URI1: variants seen among roughly 807,000 people sequenced by gnomAD.
URI1 encodes the protein URI1 prefoldin like chaperone, also known as unconventional prefoldin RPB5 interactor 1.
Under a neutral mutation model 60.2 loss-of-function variants are expected in URI1, and 39 were observed. The ratio of observed to expected loss-of-function variants is 0.65; its 90% confidence interval spans 0.50 to 0.85. URI1 has a LOEUF of 0.85. URI1 is among the 40% of genes least tolerant of loss of function. URI1 has a pLI of 0.00. For missense variants in URI1, 691 were observed against 665.9 expected (o/e 1.04, Z -0.42); for synonymous variants, 251 against 236.8 (o/e 1.06, Z -0.55).
intron 1 of URI1, among the ~76,000 whole-genome samples, chr19:29,963,574 G>C (rs1348661521): frequency 2.0e-5 from 3 of 151,952 alleles, no homozygotes; most frequent in East Asian, 1.9e-4. Flanking sequence ...TGTGTGTTTG[G>C]TTCTGTTTTA....
At chr19:30,004,973 A>G (rs1039359499) in intron 4 of URI1, among the ~76,000 whole-genome samples, 3 of 152,014 alleles carry the variant, frequency 2.0e-5, no homozygotes, top group Non-Finnish European at 4.4e-5. Flanking sequence ...GTCTTAATCT[A>G]TGTTATCTAT....
In URI1 at chr19:29,963,248, A is replaced by C. The variant is rs2055348718; in HGVS notation, c.118-7945A>C. 2.6e-5 allele frequency among the ~76,000 whole-genome samples: 4 copies of C among 152,248 alleles called. No individual in the cohort carries two copies. The South Asian group carries it at 8.3e-4, about 32-fold the overall frequency. ...TCTTCCCTTTCTGGATCTTGCACTT[A>C]CACTGTGTTTCACATGTCTCTTATT... On this transcript the variant is annotated intron_variant, in intron 1 of 10. Coordinates refer to ENST00000392271, the MANE Select transcript of URI1 (RefSeq NM_003796.3).
At chr19:29,988,628 AG>A (rs2055703806) in intron 4 of URI1, among the ~76,000 whole-genome samples, 1 of 152,080 alleles carries the variant, frequency 6.6e-6, no homozygotes, top group East Asian at 1.9e-4. Context: ...ATTGCTGAGG[AG>A]TGTTCCGTTA....
At chr19:30,009,507 A>G (rs1599726787) in intron 8 of URI1, among the ~76,000 whole-genome samples, 154 bp downstream of exon 8, 2 of 152,172 alleles carry the variant, frequency 1.3e-5, no homozygotes, top group East Asian at 3.9e-4. Context: ...CAATTTAAGA[A>G]GAAAAAGGGA....
At position 30,015,446 on chromosome 19, in the gene URI1, G is replaced by T; in HGVS notation, c.*377G>T. 6.6e-7 allele frequency: 1 copy of T among 1,509,254 alleles called. No individual in the cohort carries two copies. Among genetic ancestry groups the T allele is most frequent in the Non-Finnish European group, 8.8e-7 (1 of 1,137,688 alleles). The allele number at this position is 1,509,254 out of a possible 1,614,324, so 93.5% of individuals were successfully genotyped here. On this transcript the variant is annotated 3_prime_UTR_variant, in exon 11 of 11. Coordinates refer to ENST00000392271, the MANE Select transcript of URI1 (RefSeq NM_003796.3). ...TGCATACCATATGGACCATTTTAAA[G>T]AAAATTTTAAAATTTCAAATAGATT...
intron 1 of URI1, among the ~76,000 whole-genome samples, chr19:29,962,810 G>A (rs932426499): frequency 2.0e-5 from 3 of 151,992 alleles, no homozygotes; most frequent in African/African-American, 7.3e-5. Flanking sequence ...AAGTCTGCTG[G>A]TGCAGAATTC....
intron 1 of URI1, chr19:29,925,940 A>G (rs2054861617): frequency 6.6e-6 from 1 of 152,204 alleles, no homozygotes; most frequent in Non-Finnish European, 1.5e-5. Context: ...TTAAAAACAG[A>G]TGGCACTAGT....
chr19:29,966,129 T>C (rs1425491461), intron 1 of URI1, among the ~76,000 whole-genome samples: 1 of 152,226 alleles, frequency 6.6e-6, no homozygotes, highest in African/African-American at 2.4e-5. Flanking sequence ...TTTACTTTTA[T>C]GGTGGTTGAT....
At chr19:29,985,328 T>C in intron 3 of URI1, 27 bp downstream of exon 3, 1 of 1,571,372 alleles carries the variant, frequency 6.4e-7, no homozygotes, top group Non-Finnish European at 8.7e-7. Context: ...TCTTTTAAAG[T>C]AATAGTTGTT....
intron 4 of URI1, among the ~76,000 whole-genome samples, chr19:29,993,388 G>C (rs540713486): frequency 6.6e-6 from 1 of 152,254 alleles, no homozygotes; most frequent in South Asian, 2.1e-4. Flanking sequence ...ATGCACATAG[G>C]CACGTTACTT....
intron 4 of URI1, chr19:30,004,439 A>C (rs896402664): frequency 6.6e-6 from 1 of 152,052 alleles, no homozygotes; most frequent in African/African-American, 2.4e-5. Context: ...CCAGACCTGC[A>C]TTCATCATTG....
chr19:29,964,452 G>GTTTTTT (rs1380907956), intron 1 of URI1, among the ~76,000 whole-genome samples: 41 of 137,298 alleles, frequency 3.0e-4, no homozygotes, highest in African/African-American at 1.1e-3. Flanking sequence ...TTTTGTTTTT[G>GTTTTTT]TTTTTTGTTT....
At chr19:29,967,683 T>A (rs920672308) in intron 1 of URI1, among the ~76,000 whole-genome samples, 3 of 152,204 alleles carry the variant, frequency 2.0e-5, no homozygotes, top group African/African-American at 7.2e-5. Context: ...AACCAGTGTT[T>A]TTCTGCTGTT....
At chr19:29,958,218 GTTGT>G (rs1568416547) in intron 1 of URI1, 1 of 151,828 alleles carries the variant, frequency 6.6e-6, no homozygotes, top group African/African-American at 2.4e-5. Context: ...TTTTTTTATG[GTTGT>G]TTGTTTTGTT....
Position 29,924,275 on chromosome 19 carries a change from A to G in URI1, c.63+521A>G, listed in dbSNP as rs60136537. ...TATCTGGGTATCCCTTAACCCAGTC[A>G]AGCTGACAGCTAAAAGTAACCATCA... On this transcript the variant is annotated intron_variant, in intron 1 of 10. Coordinates refer to the URI1 transcript ENST00000360605. 7.2e-3 allele frequency among the ~76,000 whole-genome samples: 1,095 copies of G among 152,208 alleles called. 21 individuals are homozygous for G. Among genetic ancestry groups the G allele is most frequent in the African/African-American group, 0.025 (1,039 of 41,542 alleles).
In URI1 at chr19:30,016,222, G is replaced by T. The variant is rs377242542; in HGVS notation, c.*1153G>T. On this transcript the variant is annotated 3_prime_UTR_variant, in exon 11 of 11. Transcript: ENST00000392271. ...TGTCCTAGAAAAGTAGAAGCTATTC[G>T]TAACTAGAGCAGTGCAACTTTAAAG... 4 of 152,018 alleles carry T rather than the reference G, an allele frequency of 2.6e-5. No individual in the cohort carries two copies. Among genetic ancestry groups the T allele is most frequent in the African/African-American group, 7.2e-5 (3 of 41,412 alleles). The allele number at this position is 152,018 out of a possible 1,614,324, so 9.4% of individuals were successfully genotyped here. A position where few individuals can be genotyped will look rare whatever the true frequency, so the allele number is the denominator to read the frequency against.
At chr19:29,961,279 A>G (rs1306353966) in intron 1 of URI1, among the ~76,000 whole-genome samples, 2 of 149,014 alleles carry the variant, frequency 1.3e-5, no homozygotes, top group Non-Finnish European at 3.0e-5. Flanking sequence ...ATCTTGCAAA[A>G]CTGAAACTCT....
At chr19:29,998,366 A>G (rs995331646) in intron 4 of URI1, among the ~76,000 whole-genome samples, 3 of 152,010 alleles carry the variant, frequency 2.0e-5, no homozygotes, top group East Asian at 1.9e-4. Flanking sequence ...AGTGGTGTTC[A>G]TGTTCTTTAT....
intron 2 of URI1, chr19:29,983,353 G>A (rs1401456272): frequency 6.6e-6 from 1 of 152,026 alleles, no homozygotes; most frequent in Admixed American, 6.6e-5. Flanking sequence ...ATTTATTATA[G>A]GTTATGTAAA....
Sources: allele counts gnomAD v4.1 joint callset (sites outside exome capture counted in the v4.1 genomes callset), GRCh38; gene constraint gnomAD v4.1.1; transcripts MANE v1.5; gene names NCBI Gene and HGNC (gene_info 2026-07-23, HGNC 2026-07-21).